CACNA2D4: variants seen among roughly 807,000 people sequenced by gnomAD.
The protein encoded by CACNA2D4 is voltage-dependent calcium channel subunit alpha-2/delta-4.
A neutral mutation model predicts 163.8 loss-of-function variants in CACNA2D4; 157 were observed. The ratio of observed to expected loss-of-function variants is 0.96; its 90% confidence interval spans 0.84 to 1.09. The LOEUF (loss-of-function observed/expected upper bound fraction) is 1.09, where lower values mean the gene tolerates loss of function less well. Ranked by LOEUF, CACNA2D4 falls within the 50% of genes least tolerant of loss-of-function variation. The pLI is 0.00. For missense variants in CACNA2D4, 1,410 were observed against 1,479.9 expected (o/e 0.95, Z 0.78); for synonymous variants, 598 against 586.9 (o/e 1.02, Z -0.27).
At chr12:1,881,992 C>G (rs1469402818) in intron 13 of CACNA2D4, among the ~76,000 whole-genome samples, 2 of 152,246 alleles carry the variant, frequency 1.3e-5, no homozygotes, top group African/African-American at 4.8e-5. Context: ...GAGTTCTGGC[C>G]AGTGAAAGGT....
chr12:1,811,551 C>T, intron 27 of CACNA2D4, 111 bp downstream of exon 27: 1 of 1,104,944 alleles, frequency 9.1e-7, no homozygotes, highest in Non-Finnish European at 1.3e-6. Context: ...GCCGGGAGGG[C>T]ATCCTGAGAG....
chr12:1,825,324 A>AGGGCTTCTCCACTACCT (rs931322502), intron 26 of CACNA2D4, among the ~76,000 whole-genome samples: 1 of 152,176 alleles, frequency 6.6e-6, no homozygotes, highest in African/African-American at 2.4e-5. Flanking sequence ...CTTGGGTGGG[A>AGGGCTTCTCCACTACCT]GGGCTTCTCC....
intron 23 of CACNA2D4, among the ~76,000 whole-genome samples, chr12:1,848,444 C>T (rs548173867): frequency 2.0e-5 from 3 of 152,170 alleles, no homozygotes; most frequent in Non-Finnish European, 2.9e-5. Flanking sequence ...TGTGTTTTTA[C>T]AAGGCTGTTC....
intron 13 of CACNA2D4, among the ~76,000 whole-genome samples, chr12:1,880,518 C>T (rs528237317): frequency 2.6e-5 from 4 of 152,354 alleles, no homozygotes; most frequent in Admixed American, 6.5e-5. Context: ...CTCGCCGTGC[C>T]GGCTCCTCCA....
At chr12:1,818,042 C>T (rs1592669441) in intron 26 of CACNA2D4, among the ~76,000 whole-genome samples, 1 of 150,810 alleles carries the variant, frequency 6.6e-6, no homozygotes, top group Non-Finnish European at 1.5e-5. Context: ...AAGTGAGGAG[C>T]GTCTCTGCCC....
intron 29 of CACNA2D4, among the ~76,000 whole-genome samples, chr12:1,804,883 A>C (rs780279588): frequency 1.3e-5 from 2 of 152,284 alleles, no homozygotes; most frequent in Non-Finnish European, 2.9e-5. Context: ...TTAGTTGTTT[A>C]AGCCACTTCT....
At chr12:1,890,025 T>C (rs1866239924) in intron 6 of CACNA2D4, among the ~76,000 whole-genome samples, 1 of 152,136 alleles carries the variant, frequency 6.6e-6, no homozygotes. Context: ...TCACCCTGCT[T>C]GGCCAGGATT....
chr12:1,860,047 G>T, intron 19 of CACNA2D4, 98 bp downstream of exon 19: 2 of 937,858 alleles, frequency 2.1e-6, no homozygotes, highest in Non-Finnish European at 1.7e-6. Flanking sequence ...ATGCTGACCT[G>T]GGTCTTTTGC....
rs962107496 is a variant in CACNA2D4, at chr12:1,917,276, G to T, written c.227+971C>A. Among the ~76,000 whole-genome samples, 5 of 152,134 alleles carry T rather than the reference G, an allele frequency of 3.3e-5. No homozygotes were observed. Among genetic ancestry groups the T allele is most frequent in the Admixed American group, 1.3e-4 (2 of 15,266 alleles). On this transcript the variant is annotated intron_variant, in intron 1 of 37. Transcript: ENST00000382722. This position sits in a 1 kb window ranked among gnomAD's most constrained non-coding sequence, Gnocchi z 4.3. ...AAACTAACGGTGTCATTTGTGAAGC[G>T]CCCAGCTCCGTGCCAGGCAGGGAAC...
At chr12:1,906,238 A>C (rs1237587418) in intron 6 of CACNA2D4, among the ~76,000 whole-genome samples, 2 of 152,230 alleles carry the variant, frequency 1.3e-5, no homozygotes, top group Non-Finnish European at 2.9e-5. Flanking sequence ...TAGGGGAAAC[A>C]CTTTATGACA....
chr12:1,854,058 A>T lies in CACNA2D4; in HGVS notation c.2153-14T>A, dbSNP rs776534423. 8 of 1,595,688 alleles carry T rather than the reference A, an allele frequency of 5.0e-6. No homozygotes were observed. The Admixed American group carries it at 8.5e-5, about 17-fold the overall frequency. ...GCTCCTCGTCACCTGGGTGCAAAAC[A>T]TCAGGGAACCAGGCCACATGCTTCC... On this transcript the variant is annotated splice_polypyrimidine_tract_variant and intron_variant, in intron 22 of 37. Coordinates refer to ENST00000382722, the MANE Select transcript of CACNA2D4 (RefSeq NM_172364.5).
chr12:1,826,271 C>A (rs889586918), intron 26 of CACNA2D4, among the ~76,000 whole-genome samples: 1 of 152,166 alleles, frequency 6.6e-6, no homozygotes, highest in African/African-American at 2.4e-5. Flanking sequence ...CTCTTCCCTT[C>A]ACTAGATTGA....
rs74551806 is a variant in CACNA2D4 at position 1,850,608 on chromosome 12, A to G, written c.2246+3343T>C. Among the ~76,000 whole-genome samples the G allele has an allele frequency of 3.3e-5, 5 of 152,038 alleles. No homozygotes were observed. The East Asian group carries it at 9.6e-4, about 29-fold the overall frequency. On this transcript the variant is annotated intron_variant, in intron 23 of 37. Coordinates refer to ENST00000382722, the MANE Select transcript of CACNA2D4 (RefSeq NM_172364.5). ...GAAACATATTTTTTTCTTTTTTTTA[A>G]AAAAAGATGAGGTTGGCCAGGCGCG... is the stretch of plus-strand genomic sequence containing the variant.
intron 26 of CACNA2D4, among the ~76,000 whole-genome samples, chr12:1,813,570 C>T (rs371598871): frequency 6.6e-6 from 1 of 152,050 alleles, no homozygotes; most frequent in East Asian, 1.9e-4. Flanking sequence ...GGTTGGTGGC[C>T]AGCGTTTTGG....
chr12:1,813,592 C>T (rs1443071488), intron 26 of CACNA2D4, among the ~76,000 whole-genome samples: 1 of 152,172 alleles, frequency 6.6e-6, no homozygotes, highest in African/African-American at 2.4e-5. Context: ...CAGTGTTGTT[C>T]TAGAGCTCAT....
In CACNA2D4 at chr12:1,874,822, T is replaced by C. The variant is rs1428584303; in HGVS notation, c.1807-147A>G. On this transcript the variant is annotated intron_variant, in intron 17 of 37. Coordinates refer to ENST00000382722, the MANE Select transcript of CACNA2D4 (RefSeq NM_172364.5). This position sits in a 1 kb window ranked among gnomAD's most constrained non-coding sequence, Gnocchi z 4.4. ...CTGAGAGAGATACCAGGAGGGAAGA[T>C]GGACCTGACTCTAAGCTCCATCTAG... 2 of 683,652 alleles carry C rather than the reference T, an allele frequency of 2.9e-6. No homozygotes were observed. Among genetic ancestry groups the C allele is most frequent in the Non-Finnish European group, 2.7e-6 (1 of 373,580 alleles). 42.3% of individuals were successfully genotyped at this position (683,652 alleles called of 1,614,324 possible).
chr12:1,800,181 G>A, intron 32 of CACNA2D4, 129 bp from the exon 33 acceptor site: 1 of 1,055,030 alleles, frequency 9.5e-7, no homozygotes, highest in Admixed American at 2.0e-5. Context: ...CCCTGCTTGA[G>A]GGCTCTGGTT....
Position 1,878,809 on chromosome 12 carries a change from G to C in CACNA2D4, c.1644+147C>G. ...CAGGGGCACCAGTTGCTGCTCCCCTGCTCAGCACCTGCACTTCTTGGGCAG... is the reference window on the plus strand; with the variant it reads ...CAGGGGCACCAGTTGCTGCTCCCCTCCTCAGCACCTGCACTTCTTGGGCAG... On this transcript the variant is annotated intron_variant, in intron 15 of 37. Coordinates refer to ENST00000382722, the MANE Select transcript of CACNA2D4 (RefSeq NM_172364.5). This position sits in a 1 kb window ranked among gnomAD's most constrained non-coding sequence, Gnocchi z 4.6. 1.5e-6 allele frequency: 1 copy of C among 676,070 alleles called. No individual in the cohort carries two copies. The allele number at this position is 676,070 out of a possible 1,614,324, so 41.9% of individuals were successfully genotyped here.
intron 19 of CACNA2D4, among the ~76,000 whole-genome samples, chr12:1,859,321 C>A (rs1865472716): frequency 1.3e-5 from 2 of 152,068 alleles, no homozygotes; most frequent in Non-Finnish European, 2.9e-5. Flanking sequence ...TGTGCCACGG[C>A]ACTTCAGCCT....
Sources: gnomAD v4.1 joint callset for allele counts (sites outside exome capture counted in the v4.1 genomes callset) on GRCh38, gnomAD v4.1.1 for gene constraint, Gnocchi (gnomAD v3.1) non-coding constraint, MANE v1.5 for transcripts, NCBI Gene and HGNC (gene_info 2026-07-23, HGNC 2026-07-21) for gene names.